TAS2R1: variants seen among roughly 807,000 people sequenced by gnomAD.
TAS2R1 encodes taste 2 receptor member 1.
For missense variants in TAS2R1, 370 were observed against 353.4 expected, an observed-to-expected ratio of 1.05 and a Z score of -0.38; for synonymous variants, 141 against 134.2, an observed-to-expected ratio of 1.05 and a Z score of -0.35.
the TAS2R1 span, among the ~76,000 whole-genome samples, chr5:9,862,046 G>A: frequency 3.6e-3 from 548 of 152,240 alleles, 1 homozygote; most frequent in Non-Finnish European, 4.9e-3. Context: ...CCAGTCCCCC[G>A]TGGTGTCTCA....
At chr5:9,861,037 G>GTTTTTTTTTTTTTTTTTT in the TAS2R1 span, among the ~76,000 whole-genome samples, 235 of 88,504 alleles carry the variant, frequency 2.7e-3, 9 homozygotes, top group African/African-American at 3.4e-3. Flanking sequence ...GGAAGATGAG[G>GTTTTTTTTTTTTTTTTTT]TTTTTTTTTT....
chr5:9,679,353 T>C (rs1340930899), intron 1 of TAS2R1, among the ~76,000 whole-genome samples: 1 of 152,172 alleles, frequency 6.6e-6, no homozygotes, highest in Non-Finnish European at 1.5e-5. Flanking sequence ...TGAATATGAA[T>C]TTAAAAGATC....
intron 1 of TAS2R1, among the ~76,000 whole-genome samples, chr5:9,696,770 C>A (rs1561381923): frequency 6.6e-6 from 1 of 151,938 alleles, no homozygotes; most frequent in Non-Finnish European, 1.5e-5. Context: ...TCCCAGCACT[C>A]TGGGAGGCCT....
chr5:9,640,497 T>TAAAA (rs56140715), intron 2 of TAS2R1, among the ~76,000 whole-genome samples: 7,745 of 58,666 alleles, frequency 0.13, 1,282 homozygotes, highest in Non-Finnish European at 0.16. Flanking sequence ...TTCAATTCCT[T>TAAAA]AAAAAAAAAA....
At chr5:9,870,233 A>C in the TAS2R1 span, 1 of 152,254 alleles carries the variant, frequency 6.6e-6, no homozygotes, top group Admixed American at 6.5e-5. Flanking sequence ...TCCTACGTAC[A>C]AAGGATTCAC....
the TAS2R1 span, among the ~76,000 whole-genome samples, chr5:9,802,039 C>T: frequency 6.6e-6 from 1 of 152,304 alleles, no homozygotes; most frequent in African/African-American, 2.4e-5. Flanking sequence ...CCAGGCATCC[C>T]TAGGGCAAGC....
chr5:9,777,465 G>A, the TAS2R1 span, among the ~76,000 whole-genome samples: 14 of 152,108 alleles, frequency 9.2e-5, no homozygotes, highest in African/African-American at 3.1e-4. Flanking sequence ...TCGCATCTTC[G>A]GGCTCCACTT....
chr5:9,875,229 G>C, the TAS2R1 span, among the ~76,000 whole-genome samples: 1 of 152,280 alleles, frequency 6.6e-6, no homozygotes, highest in Non-Finnish European at 1.5e-5. Flanking sequence ...GAGCGGGCAG[G>C]AGCCAACAGG....
chr5:9,696,645 A>G (rs1741361342), intron 1 of TAS2R1, among the ~76,000 whole-genome samples: 2 of 152,194 alleles, frequency 1.3e-5, no homozygotes, highest in South Asian at 4.1e-4. Flanking sequence ...CAAGTATGTA[A>G]TCAGAGGGAC....
intron 1 of TAS2R1, among the ~76,000 whole-genome samples, chr5:9,661,806 C>T (rs182366520): frequency 1.9e-4 from 29 of 152,294 alleles, no homozygotes; most frequent in Admixed American, 7.8e-4. Context: ...ATTTATACTA[C>T]ATATACACAC....
rs190003545 is a variant in TAS2R1, at chr5:9,637,799, T to C, written c.-80-7807A>G. On this transcript the variant is annotated intron_variant, in intron 2 of 2. Transcript: ENST00000506620. ...AATTTGTTAGTGTTTTAATGATACA[T>C]ATTTATTTTGATAATTTTTCATCCA... Among the ~76,000 whole-genome samples, 461 of 152,326 alleles carry C rather than the reference T, an allele frequency of 3.0e-3. 2 individuals are homozygous for C. The highest frequency in any genetic ancestry group is 5.1e-3 in the Non-Finnish European group (347 of 68,032).
chr5:9,667,302 A>T (rs1297588446), intron 1 of TAS2R1, among the ~76,000 whole-genome samples: 1 of 152,180 alleles, frequency 6.6e-6, no homozygotes, highest in Admixed American at 6.5e-5. Flanking sequence ...GTAGCCAGGA[A>T]AGCTTTACCT....
At chr5:9,684,191 A>C (rs1379362621) in intron 1 of TAS2R1, among the ~76,000 whole-genome samples, 1 of 152,234 alleles carries the variant, frequency 6.6e-6, no homozygotes, top group African/African-American at 2.4e-5. Flanking sequence ...CATGTGGCAT[A>C]TGTATACAAT....
the TAS2R1 span, chr5:9,890,000 A>G: frequency 6.6e-6 from 1 of 152,272 alleles, no homozygotes; most frequent in African/African-American, 2.4e-5. Flanking sequence ...GAAGTTAGAG[A>G]GCGGTCGGGG....
At chr5:9,890,974 T>C in the TAS2R1 span, among the ~76,000 whole-genome samples, 1 of 152,152 alleles carries the variant, frequency 6.6e-6, no homozygotes, top group South Asian at 2.1e-4. Context: ...ACCACAACCA[T>C]CCTCAAAGTA....
the TAS2R1 span, among the ~76,000 whole-genome samples, chr5:9,745,854 T>C: frequency 6.6e-6 from 1 of 152,134 alleles, no homozygotes; most frequent in South Asian, 2.1e-4. Context: ...GACATAGGCA[T>C]GGGCAAACAC....
the TAS2R1 span, among the ~76,000 whole-genome samples, chr5:9,808,315 GACTA>G: frequency 6.6e-6 from 1 of 152,148 alleles, no homozygotes; most frequent in African/African-American, 2.4e-5. Context: ...CAAAGAACTT[GACTA>G]ACGTGTTCAT....
chr5:9,839,634 T>C, the TAS2R1 span, among the ~76,000 whole-genome samples: 1 of 152,178 alleles, frequency 6.6e-6, no homozygotes, highest in African/African-American at 2.4e-5. Flanking sequence ...ATCACAGCTG[T>C]CAATAAAGAA....
chr5:9,633,871 G>T (rs1033985468), upstream of TAS2R1, among the ~76,000 whole-genome samples: 2 of 151,728 alleles, frequency 1.3e-5, no homozygotes, highest in African/African-American at 4.8e-5. Flanking sequence ...CATAATTTGT[G>T]AATATTTTCT....
Sources: gnomAD v4.1 joint callset for allele counts (sites outside exome capture counted in the v4.1 genomes callset) on GRCh38, gnomAD v4.1.1 for gene constraint, MANE v1.5 for transcripts, NCBI Gene and HGNC (gene_info 2026-07-23, HGNC 2026-07-21) for gene names.